Variants in ADAMTS12 observed in about 807,000 individuals in gnomAD.
ADAMTS12 encodes A disintegrin and metalloproteinase with thrombospondin motifs 12.
In ADAMTS12, 118 loss-of-function variants were observed where a neutral mutation model predicts 167.8. That is an observed-to-expected ratio of 0.70 (90% CI 0.61 to 0.82). ADAMTS12 has a LOEUF of 0.82. ADAMTS12 is among the 40% of genes least tolerant of loss of function. ADAMTS12 has a pLI of 0.00. For missense variants in ADAMTS12, 1,916 were observed against 1,998.8 expected, an observed-to-expected ratio of 0.96 and a Z score of 0.79; for synonymous variants, 704 against 716.9, an observed-to-expected ratio of 0.98 and a Z score of 0.29.
At chr5:33,830,921 A>G (rs1296179129) in intron 2 of ADAMTS12, among the ~76,000 whole-genome samples, 1 of 152,154 alleles carries the variant, frequency 6.6e-6, no homozygotes, top group Non-Finnish European at 1.5e-5. Context: ...ATTCTTTCTT[A>G]TTTTCAGTTT....
chr5:33,624,491 G>C, intron 13 of ADAMTS12, 140 bp from the exon 14 acceptor site: 1 of 1,249,048 alleles, frequency 8.0e-7, no homozygotes, highest in Non-Finnish European at 1.1e-6. Flanking sequence ...GTTTGTTCCT[G>C]GTGGCAGCAA....
chr5:33,539,768 A>AT (rs1053875160), intron 22 of ADAMTS12, among the ~76,000 whole-genome samples: 1 of 152,106 alleles, frequency 6.6e-6, no homozygotes, highest in Non-Finnish European at 1.5e-5. Context: ...TTTTATTTTT[A>AT]TTTTTTTGCT....
intron 19 of ADAMTS12, among the ~76,000 whole-genome samples, chr5:33,572,191 C>T (rs1225511174): frequency 6.6e-6 from 1 of 152,114 alleles, no homozygotes; most frequent in African/African-American, 2.4e-5. Context: ...TGGTACCATT[C>T]CTTCTGAAAC....
At chr5:33,787,591 G>T (rs1296083875) in intron 2 of ADAMTS12, among the ~76,000 whole-genome samples, 1 of 152,212 alleles carries the variant, frequency 6.6e-6, no homozygotes, top group Non-Finnish European at 1.5e-5. Flanking sequence ...CCATGCTCCT[G>T]GTGGGAGCCA....
chr5:33,549,333 C>T lies in ADAMTS12; in HGVS notation c.4176G>A (p.Val1392=), dbSNP rs1341716351. ...GGFKIREIQC[V]DSRDHRNLRP... ...TCAGGTTCCGGTGGTCCCGGCTGTC[C>T]ACGCACTGAATCTCGCGTATCTTGA... is the stretch of plus-strand genomic sequence containing the variant. The change falls in exon 21 of 24, where the codon GTG becomes GTA. Residue 1392 remains valine, a synonymous_variant. Transcript: ENST00000504830. 6.2e-7 allele frequency: 1 copy of T among 1,614,096 alleles called. No homozygotes were observed. The highest frequency in any genetic ancestry group is 8.5e-7 in the Non-Finnish European group (1 of 1,180,002).
chr5:33,786,601 A>G (rs916570857), intron 2 of ADAMTS12, among the ~76,000 whole-genome samples: 2 of 152,126 alleles, frequency 1.3e-5, no homozygotes, highest in Admixed American at 6.6e-5. Context: ...CCTCCCAAGC[A>G]TATTACCCCT....
intron 2 of ADAMTS12, among the ~76,000 whole-genome samples, chr5:33,836,065 TTTG>T (rs1255136675): frequency 6.6e-6 from 1 of 152,154 alleles, no homozygotes; most frequent in Non-Finnish European, 1.5e-5. Flanking sequence ...TGGGTTTGTT[TTTG>T]TTTTCATGAA....
intron 3 of ADAMTS12, among the ~76,000 whole-genome samples, chr5:33,690,811 T>C (rs1742522841): frequency 6.6e-6 from 1 of 152,230 alleles, no homozygotes; most frequent in South Asian, 2.1e-4. Flanking sequence ...GTAATTCCAC[T>C]GATTTGCGGT....
chr5:33,548,352 C>T (rs558595583), intron 21 of ADAMTS12, among the ~76,000 whole-genome samples: 3 of 152,218 alleles, frequency 2.0e-5, no homozygotes, highest in Admixed American at 2.0e-4. Context: ...CATTGTGTGT[C>T]TCAGGTAGGT....
At chr5:33,570,598 A>G (rs991376650) in intron 19 of ADAMTS12, among the ~76,000 whole-genome samples, 5 of 152,218 alleles carry the variant, frequency 3.3e-5, no homozygotes, top group Admixed American at 2.0e-4. Flanking sequence ...TGAAGGAAGC[A>G]CTAAACATGG....
intron 23 of ADAMTS12, 149 bp downstream of exon 23, chr5:33,534,684 A>G (rs1054828304): frequency 3.9e-6 from 4 of 1,027,728 alleles, no homozygotes; most frequent in Admixed American, 6.1e-5. Context: ...ACCAGATCAG[A>G]TAGTTTGTTC....
chr5:33,794,579 G>A (rs1746701294), intron 2 of ADAMTS12, among the ~76,000 whole-genome samples: 1 of 151,244 alleles, frequency 6.6e-6, no homozygotes. Context: ...AATATGCACT[G>A]TCTGCTGGCA....
chr5:33,645,279 A>T (rs1435748883), intron 9 of ADAMTS12, among the ~76,000 whole-genome samples: 1 of 152,078 alleles, frequency 6.6e-6, no homozygotes, highest in African/African-American at 2.4e-5. Flanking sequence ...TGAGAAAGTT[A>T]TTCACCAGTA....
intron 16 of ADAMTS12, among the ~76,000 whole-genome samples, chr5:33,613,652 T>C (rs1391040217): frequency 6.6e-6 from 1 of 152,226 alleles, no homozygotes; most frequent in Non-Finnish European, 1.5e-5. Context: ...GGGTTAAAAA[T>C]CAACCTTCAT....
intron 2 of ADAMTS12, among the ~76,000 whole-genome samples, chr5:33,848,046 C>T (rs1342694203): frequency 1.3e-5 from 2 of 150,212 alleles, no homozygotes; most frequent in Non-Finnish European, 2.9e-5. Flanking sequence ...GAAACCCCAT[C>T]TCTACTAAAA....
rs1253266796 is a variant in ADAMTS12, at chr5:33,648,960, G to A, written c.1341C>T (p.Gly447=). 19 of 1,613,542 alleles carry A rather than the reference G, an allele frequency of 1.2e-5. No individual in the cohort carries two copies. The highest frequency in any genetic ancestry group is 1.5e-5 in the Non-Finnish European group (18 of 1,179,736). ...EEYITRFLDR[G]WGFCLDDIPK... ...GTATGTCATCAAGACAGAACCCCCA[G>A]CCTCGGCTGAAAACAAGTTAACAGA... is the stretch of plus-strand genomic sequence containing the variant. The change falls in exon 9 of 24, where the codon GGC becomes GGT. Residue 447 remains glycine, a synonymous_variant. Coordinates refer to ENST00000504830, the MANE Select transcript of ADAMTS12 (RefSeq NM_030955.4).
chr5:33,850,105 G>A (rs926645357), intron 2 of ADAMTS12, among the ~76,000 whole-genome samples: 3 of 152,090 alleles, frequency 2.0e-5, no homozygotes, highest in African/African-American at 7.2e-5. Flanking sequence ...CTCAATAGAT[G>A]ATCTGTTCTT....
rs1215832896 is a variant in ADAMTS12 at position 33,630,835 on chromosome 5, G to A, written c.1967C>T (p.Thr656Ile). Residue 656 changes from threonine to isoleucine, a missense_variant, in exon 13 of 24, where the codon ACC (threonine) becomes ATC (isoleucine). Coordinates refer to ENST00000504830, the MANE Select transcript of ADAMTS12 (RefSeq NM_030955.4). The part of the protein sequence containing the change: ...EKMLDAVIDG[T>I]PCFEGGNSRN... ...GCTGTTGCCGCCTTCAAAGCAAGGG[G>A]TACCATCAATGACAGCATCCAGCAT... 2 of 1,613,612 alleles carry A rather than the reference G, an allele frequency of 1.2e-6. No individual in the cohort carries two copies. The highest frequency in any genetic ancestry group is 1.7e-6 in the Non-Finnish European group (2 of 1,179,664).
Position 33,881,225 on chromosome 5 carries a change from T to G in ADAMTS12, c.383A>C (p.His128Pro). 1.2e-6 allele frequency: 2 copies of G among 1,614,174 alleles called. No homozygotes were observed. The highest frequency in any genetic ancestry group is 1.7e-6 in the Non-Finnish European group (2 of 1,180,010). Reference protein sequence around the residue: ...IMEKRYGNLSHVKMMASSAPL... With the variant: ...IMEKRYGNLSPVKMMASSAPL... ...GGCAGAGGAAGCCATCATCTTAACA[T>G]GGGAGAGGTTCCCATATCTCTTCTC... The change falls in exon 2 of 24, where the codon CAT becomes CCT. Residue 128 changes from histidine to proline, a missense_variant. Transcript: ENST00000504830.
Sources: gnomAD v4.1 joint callset for allele counts (sites outside exome capture counted in the v4.1 genomes callset) on GRCh38, gnomAD v4.1.1 for gene constraint, MANE v1.5 for transcripts, NCBI Gene and HGNC (gene_info 2026-07-23, HGNC 2026-07-21) for gene names.